Variants in PAN3 observed in about 807,000 individuals in gnomAD.
The protein encoded by PAN3 is poly(A) specific ribonuclease subunit PAN3, also known as PAN2-PAN3 deadenylation complex subunit PAN3.
Under a neutral mutation model 96.2 loss-of-function variants are expected in PAN3, and 19 were observed. That is an observed-to-expected ratio of 0.20 (90% CI 0.14 to 0.29). The LOEUF (loss-of-function observed/expected upper bound fraction) is 0.29, where lower values mean the gene tolerates loss of function less well. Among genes scored for constraint, PAN3 ranks in the 10% least tolerant of loss-of-function variants. The probability of loss-of-function intolerance (pLI) is 1.00; values close to 1 mark genes in which losing one functional copy is unlikely to be tolerated. For missense variants in PAN3, 882 were observed against 1,108.1 expected (o/e 0.80, Z 2.90); for synonymous variants, 433 against 406.6 (o/e 1.06, Z -0.78).
rs1457838847 is a variant in PAN3 at position 28,197,129 on chromosome 13, T to A, written c.691-56T>A. On this transcript the variant is annotated intron_variant, in intron 4 of 18. Coordinates refer to ENST00000380958, the MANE Select transcript of PAN3 (RefSeq NM_175854.8). The stretch of plus-strand genomic sequence containing the variant: ...CCTGTATATGTTAGTTATGTTAGTT[T>A]AGATTAGTGTGGGGGATGTTAGGAG... 1.9e-6 allele frequency: 3 copies of A among 1,557,934 alleles called. No homozygotes were observed. In the African/African-American group the frequency reaches 4.1e-5, roughly 21 times the overall value.
chr13:28,252,857 A>C (rs562962235), intron 6 of PAN3, among the ~76,000 whole-genome samples: 1 of 152,254 alleles, frequency 6.6e-6, no homozygotes, highest in East Asian at 1.9e-4. Flanking sequence ...GATTGTTGTT[A>C]TGCTGATCTT....
chr13:28,144,211 GTTTTTTTTTTTTT>G (rs972669575), intron 1 of PAN3, among the ~76,000 whole-genome samples: 3 of 101,530 alleles, frequency 3.0e-5, no homozygotes, highest in South Asian at 3.2e-4. Flanking sequence ...AAGTTTTTTT[GTTTTTTTTTTTTT>G]TTTTTTTTTT....
intron 5 of PAN3, chr13:28,215,760 C>A (rs1303967764): frequency 2.4e-5 from 35 of 1,462,202 alleles, no homozygotes; most frequent in Non-Finnish European, 3.0e-5. Flanking sequence ...CTTCTCAGAC[C>A]ATCCTCTTCT....
chr13:28,234,951 C>CT (rs1234516773), intron 6 of PAN3, among the ~76,000 whole-genome samples: 1 of 152,112 alleles, frequency 6.6e-6, no homozygotes, highest in Non-Finnish European at 1.5e-5. Context: ...CCTTGCATTT[C>CT]TTTTTTGTAT....
chr13:28,215,378 A>G, intron 5 of PAN3: 1 of 750,156 alleles, frequency 1.3e-6, no homozygotes, highest in South Asian at 1.4e-5. Flanking sequence ...TTACAACTGA[A>G]GTCTATTGAA....
intron 5 of PAN3, among the ~76,000 whole-genome samples, chr13:28,202,052 ATT>A (rs141424970): frequency 2.0e-5 from 3 of 147,330 alleles, no homozygotes; most frequent in African/African-American, 7.5e-5. Flanking sequence ...TCTACCTCTT[ATT>A]TTTTTTTTCC....
intron 4 of PAN3, among the ~76,000 whole-genome samples, chr13:28,184,896 G>A (rs1876266913): frequency 6.6e-6 from 1 of 152,050 alleles, no homozygotes. Context: ...ACATGTTACA[G>A]TTTCCCTCCA....
At chr13:28,285,489 G>A (rs1868865054) in intron 17 of PAN3, among the ~76,000 whole-genome samples, 1 of 152,112 alleles carries the variant, frequency 6.6e-6, no homozygotes, top group African/African-American at 2.4e-5. Context: ...AATTCACAGT[G>A]ATGTTCCTTG....
Position 28,220,285 on chromosome 13 carries a change from C to T in PAN3, c.907C>T (p.Leu303=). 1.9e-6 allele frequency: 3 copies of T among 1,613,828 alleles called. No homozygotes were observed. Among genetic ancestry groups the T allele is most frequent in the Non-Finnish European group, 2.5e-6 (3 of 1,179,748 alleles). Reference sequence around the variant, plus strand: ...TCCTAAAGGAGGATCAACCTCCAGGCTGAGTAACGTGTCCCAGTCAAATAT... The same window carrying T: ...TCCTAAAGGAGGATCAACCTCCAGGTTGAGTAACGTGTCCCAGTCAAATAT... The part of the protein sequence containing the change: ...FIPKGGSTSR[L]SNVSQSNMSA... The change falls in exon 6 of 19, where the codon CTG becomes TTG. Residue 303 remains leucine, a synonymous_variant. Transcript: ENST00000380958.
At chr13:28,251,219 AAT>A (rs1231385005) in intron 6 of PAN3, among the ~76,000 whole-genome samples, 2 of 152,084 alleles carry the variant, frequency 1.3e-5, no homozygotes, top group African/African-American at 2.4e-5. Context: ...TCATATTCTT[AAT>A]CACCTCCGTA....
At chr13:28,183,782 C>CTT (rs1233746534) in intron 4 of PAN3, among the ~76,000 whole-genome samples, 1 of 152,010 alleles carries the variant, frequency 6.6e-6, no homozygotes, top group African/African-American at 2.4e-5. Context: ...CTTAGTAAAC[C>CTT]TTTTTGTTTC....
At chr13:28,246,073 C>T (rs1027320581) in intron 6 of PAN3, among the ~76,000 whole-genome samples, 1 of 152,026 alleles carries the variant, frequency 6.6e-6, no homozygotes, top group Non-Finnish European at 1.5e-5. Context: ...AGGGTCATAG[C>T]AATTGATTAT....
At chr13:28,278,583 ATAAAC>A (rs1887232201) in intron 15 of PAN3, among the ~76,000 whole-genome samples, 2 of 152,200 alleles carry the variant, frequency 1.3e-5, no homozygotes, top group African/African-American at 4.8e-5. Context: ...AAAAAAATGA[ATAAAC>A]AAAAAAGCCA....
At chr13:28,186,596 C>G (rs1189813877) in intron 4 of PAN3, among the ~76,000 whole-genome samples, 1 of 152,162 alleles carries the variant, frequency 6.6e-6, no homozygotes. Flanking sequence ...TATTTACCAT[C>G]TTTGTTTAAA....
intron 1 of PAN3, among the ~76,000 whole-genome samples, chr13:28,156,943 T>C (rs1872244616): frequency 7.8e-6 from 1 of 128,618 alleles, no homozygotes; most frequent in African/African-American, 3.1e-5. Context: ...TGCAGTGAGC[T>C]GAGATTGGGC....
chr13:28,287,881 G>T, intron 17 of PAN3, 103 bp from the exon 18 acceptor site: 5 of 1,173,658 alleles, frequency 4.3e-6, no homozygotes, highest in South Asian at 1.9e-5. Flanking sequence ...CCAATTTTTT[G>T]TTTATTGGGA....
chr13:28,139,123 G>C, intron 1 of PAN3, 36 bp downstream of exon 1: 1 of 1,279,450 alleles, frequency 7.8e-7, no homozygotes. Context: ...CCGCGGCGGC[G>C]GAGGGCAGGC....
At chr13:28,246,948 G>A (rs1481427469) in intron 6 of PAN3, among the ~76,000 whole-genome samples, 1 of 152,160 alleles carries the variant, frequency 6.6e-6, no homozygotes, top group Non-Finnish European at 1.5e-5. Context: ...CAGTGGGATT[G>A]CTGGATCATA....
intron 1 of PAN3, among the ~76,000 whole-genome samples, chr13:28,154,222 C>T (rs1334358687): frequency 1.3e-5 from 2 of 152,166 alleles, no homozygotes; most frequent in Non-Finnish European, 1.5e-5. Context: ...TCTTACTGCA[C>T]TGCAGTTCTT....
Sources: gnomAD v4.1 joint callset for allele counts (sites outside exome capture counted in the v4.1 genomes callset) on GRCh38, gnomAD v4.1.1 for gene constraint, MANE v1.5 for transcripts, NCBI Gene and HGNC (gene_info 2026-07-23, HGNC 2026-07-21) for gene names.